TBC1D9: variants seen among roughly 807,000 people sequenced by gnomAD.
TBC1D9 encodes TBC1 domain family member 9.
TBC1D9 carries 63 observed loss-of-function variants against 132.0 expected under a neutral mutation model. That is an observed-to-expected ratio of 0.48 (90% CI 0.39 to 0.59). The LOEUF is 0.59. TBC1D9 is among the 20% of genes least tolerant of loss of function. The pLI is 0.00. For missense variants in TBC1D9, 1,261 were observed against 1,592.7 expected (o/e 0.79, Z 3.54); for synonymous variants, 610 against 609.9 (o/e 1.00, Z 0.00).
intron 1 of TBC1D9, among the ~76,000 whole-genome samples, chr4:140,728,265 G>A (rs945165323): frequency 6.6e-6 from 1 of 152,144 alleles, no homozygotes; most frequent in South Asian, 2.1e-4. Context: ...GCTACATACT[G>A]CAGACATTCT....
rs141486830 is a variant in TBC1D9, at chr4:140,636,136, TC to T, written c.2506-1949del. Among the ~76,000 whole-genome samples the T allele has an allele frequency of 7.9e-3, 1,202 of 152,264 alleles. 15 individuals carry two copies. The highest frequency in any genetic ancestry group is 0.027 in the African/African-American group (1,129 of 41,552). On this transcript the variant is annotated intron_variant, in intron 15 of 20. Transcript: ENST00000442267. ...ATGCCCTTCAGATCATCTCCCTTGTTCCTTGCTGAGAGCCCACAGACCATCA... is the reference window on the plus strand; with the variant it reads ...ATGCCCTTCAGATCATCTCCCTTGTTCTTGCTGAGAGCCCACAGACCATCA...
intron 11 of TBC1D9, chr4:140,659,268 AT>A (rs895931579): frequency 2.7e-4 from 49 of 184,218 alleles, no homozygotes; most frequent in African/African-American, 5.6e-4. Context: ...CTCTTTATTA[AT>A]TTTTTTTATC....
intron 1 of TBC1D9, among the ~76,000 whole-genome samples, chr4:140,735,333 C>T (rs1456663984): frequency 6.6e-6 from 1 of 152,140 alleles, no homozygotes; most frequent in Non-Finnish European, 1.5e-5. Flanking sequence ...TATCTAAGGA[C>T]TTTATAAAAT....
intron 3 of TBC1D9, among the ~76,000 whole-genome samples, chr4:140,680,157 G>A (rs1363089821): frequency 6.6e-6 from 1 of 152,096 alleles, no homozygotes; most frequent in Non-Finnish European, 1.5e-5. Context: ...TTTTTACTAA[G>A]CTTATTATGG....
At position 140,661,104 on chromosome 4, in the gene TBC1D9, C is replaced by T. The variant is rs369365492; in HGVS notation, c.1803+789G>A. Among the ~76,000 whole-genome samples, 5 of 152,198 alleles carry T rather than the reference C, an allele frequency of 3.3e-5. No homozygotes were observed. The East Asian group carries it at 5.8e-4, about 18-fold the overall frequency. On this transcript the variant is annotated intron_variant, in intron 10 of 20. Coordinates refer to ENST00000442267, the MANE Select transcript of TBC1D9 (RefSeq NM_015130.3). ...TAATTTTTTGTATTTTTAGTAGAGA[C>T]GGTGTTTCACCGTGTTAGCCAGGAT...
chr4:140,624,009 G>A, intron 20 of TBC1D9, 107 bp downstream of exon 20: 1 of 773,428 alleles, frequency 1.3e-6, no homozygotes, highest in African/African-American at 2.0e-5. Context: ...AAAGGCCCCA[G>A]TTATTATTTT....
At chr4:140,680,121 A>G (rs1737682165) in intron 3 of TBC1D9, among the ~76,000 whole-genome samples, 1 of 152,202 alleles carries the variant, frequency 6.6e-6, no homozygotes, top group Non-Finnish European at 1.5e-5. Flanking sequence ...AAATGAAGAG[A>G]TACAAAGATT....
intron 12 of TBC1D9, 85 bp downstream of exon 12, chr4:140,657,442 C>T: frequency 2.1e-6 from 3 of 1,445,154 alleles, no homozygotes; most frequent in South Asian, 1.4e-5. Flanking sequence ...TGATCACCAT[C>T]AAATCAGTTA....
chr4:140,727,525 T>C (rs1376396988), intron 1 of TBC1D9, among the ~76,000 whole-genome samples: 1 of 152,224 alleles, frequency 6.6e-6, no homozygotes, highest in Non-Finnish European at 1.5e-5. Context: ...CACAAATAAC[T>C]ATTTTCCATA....
chr4:140,692,843 T>A (rs7684299), intron 2 of TBC1D9, among the ~76,000 whole-genome samples: 72,282 of 151,636 alleles, frequency 0.48, 19,282 homozygotes, highest in African/African-American at 0.73. Context: ...AACATGGCAA[T>A]ACCCTATCTC....
chr4:140,745,274 A>C (rs1306225683), intron 1 of TBC1D9, among the ~76,000 whole-genome samples: 1 of 152,240 alleles, frequency 6.6e-6, no homozygotes, highest in Non-Finnish European at 1.5e-5. Context: ...AGACTTCTTT[A>C]AATATTTTAC....
intron 17 of TBC1D9, among the ~76,000 whole-genome samples, chr4:140,628,011 A>G (rs974055074): frequency 6.6e-6 from 1 of 152,104 alleles, no homozygotes; most frequent in Admixed American, 6.5e-5. Context: ...TTTCTCTCTC[A>G]CAATCCTTGT....
chr4:140,627,052 T>G (rs1007948528), intron 18 of TBC1D9, among the ~76,000 whole-genome samples: 9 of 152,274 alleles, frequency 5.9e-5, no homozygotes, highest in Admixed American at 3.3e-4. Flanking sequence ...GCCCACGGGC[T>G]ATAGTTTGCC....
intron 5 of TBC1D9, 37 bp from the exon 6 acceptor site, chr4:140,677,138 G>A (rs1008876306): frequency 1.2e-6 from 2 of 1,606,978 alleles, no homozygotes; most frequent in Admixed American, 3.3e-5. Context: ...TAAGAAAAAT[G>A]TTTCCATACC....
intron 13 of TBC1D9, among the ~76,000 whole-genome samples, chr4:140,648,317 G>A (rs1312781001): frequency 6.6e-6 from 1 of 151,100 alleles, no homozygotes; most frequent in Non-Finnish European, 1.5e-5. Flanking sequence ...GAATGTTTCT[G>A]TGGCCTGTTT....
At chr4:140,624,094 G>C (rs1212799946) in intron 20 of TBC1D9, 22 bp downstream of exon 20, 1 of 1,564,198 alleles carries the variant, frequency 6.4e-7, no homozygotes, top group South Asian at 1.2e-5. Flanking sequence ...TGAAGCGAAT[G>C]ATTTGAACTT....
intron 3 of TBC1D9, among the ~76,000 whole-genome samples, chr4:140,685,862 G>C (rs1435339817): frequency 6.6e-6 from 1 of 152,166 alleles, no homozygotes; most frequent in Non-Finnish European, 1.5e-5. Flanking sequence ...GGAACAAAGA[G>C]AGGCTGGTGA....
rs904048570 is a variant in TBC1D9 at position 140,642,959 on chromosome 4, C to G, written c.2338-3531G>C. ...CCAGCTCATGCTGCTTCTCCTTGTA[C>G]TGGTGCTGGACCTCGGCCCGCCACA... On this transcript the variant is annotated intron_variant, in intron 13 of 20. Coordinates refer to ENST00000442267, the MANE Select transcript of TBC1D9 (RefSeq NM_015130.3). 6 of 646,092 alleles carry G rather than the reference C, an allele frequency of 9.3e-6. No homozygotes were observed. The African/African-American group carries it at 1.1e-4, about 12-fold the overall frequency. The allele number at this position is 646,092 out of a possible 1,614,324, so 40.0% of individuals were successfully genotyped here.
chr4:140,712,460 A>G (rs1738260365), intron 1 of TBC1D9, among the ~76,000 whole-genome samples: 1 of 146,268 alleles, frequency 6.8e-6, no homozygotes, highest in South Asian at 2.2e-4. Context: ...ATATATATAT[A>G]TGCCAGGTGC....
Sources: gnomAD v4.1 joint callset for allele counts (sites outside exome capture counted in the v4.1 genomes callset) on GRCh38, gnomAD v4.1.1 for gene constraint, MANE v1.5 for transcripts, NCBI Gene and HGNC (gene_info 2026-07-23, HGNC 2026-07-21) for gene names.